PCGF5: variants seen among roughly 807,000 people sequenced by gnomAD.
The protein encoded by PCGF5 is polycomb group RING finger protein 5.
PCGF5 carries 9 observed loss-of-function variants against 44.3 expected under a neutral mutation model. The observed-to-expected ratio is 0.20, with a 90% CI of 0.12 to 0.35. The LOEUF (loss-of-function observed/expected upper bound fraction) is 0.35, where lower values mean the gene tolerates loss of function less well. Ranked by LOEUF, PCGF5 falls within the 10% of genes least tolerant of loss-of-function variation. The probability of loss-of-function intolerance (pLI) is 1.00; values close to 1 mark genes in which losing one functional copy is unlikely to be tolerated. For synonymous variants in PCGF5, 95 were observed against 102.5 expected (o/e 0.93, Z 0.44); for missense variants, 146 against 305.3 (o/e 0.48, Z 3.89).
intron 1 of PCGF5, among the ~76,000 whole-genome samples, chr10:91,182,615 G>T (rs1304109502): frequency 2.6e-5 from 4 of 152,040 alleles, no homozygotes; most frequent in African/African-American, 4.8e-5. Context: ...TGGTTCTCCA[G>T]TTCTTTTAGT....
intron 8 of PCGF5, among the ~76,000 whole-genome samples, chr10:91,264,971 T>A (rs949642707): frequency 6.6e-6 from 1 of 152,112 alleles, no homozygotes; most frequent in African/African-American, 2.4e-5. Context: ...TCCTTTTCGT[T>A]GAAAATATAA....
At chr10:91,157,253 C>T in the PCGF5 span, among the ~76,000 whole-genome samples, 13 of 152,178 alleles carry the variant, frequency 8.5e-5, no homozygotes, top group Non-Finnish European at 1.3e-4. Flanking sequence ...CTAACAATAT[C>T]AACAGTTAAC....
At chr10:91,230,154 C>T (rs1844961701) in intron 2 of PCGF5, among the ~76,000 whole-genome samples, 2 of 151,994 alleles carry the variant, frequency 1.3e-5, no homozygotes, top group African/African-American at 4.8e-5. Flanking sequence ...AAGCACACAA[C>T]CAAAGGACAA....
chr10:91,236,259 A>G (rs1354769780), intron 2 of PCGF5, among the ~76,000 whole-genome samples: 1 of 152,176 alleles, frequency 6.6e-6, no homozygotes, highest in Non-Finnish European at 1.5e-5. Context: ...TGAGCAGCCT[A>G]GTCAGGCTCT....
chr10:91,227,470 C>G, intron 2 of PCGF5: 1 of 1,283,968 alleles, frequency 7.8e-7, no homozygotes, highest in Non-Finnish European at 1.0e-6. Flanking sequence ...GACTCTTTAC[C>G]CTCACTAACA....
intron 1 of PCGF5, among the ~76,000 whole-genome samples, chr10:91,174,022 A>G (rs1843659592): frequency 6.6e-6 from 1 of 151,606 alleles, no homozygotes; most frequent in African/African-American, 2.4e-5. Flanking sequence ...CAAGGTAAAT[A>G]CCTTTGGGCC....
chr10:91,189,524 G>A (rs192302350), intron 1 of PCGF5, among the ~76,000 whole-genome samples: 163 of 152,286 alleles, frequency 1.1e-3, no homozygotes, highest in Non-Finnish European at 1.3e-3. Context: ...AGTAATATAT[G>A]ACATAAAAAT....
intron 2 of PCGF5, among the ~76,000 whole-genome samples, chr10:91,224,558 G>A (rs1395246214): frequency 1.3e-5 from 2 of 152,176 alleles, no homozygotes; most frequent in Non-Finnish European, 2.9e-5. Context: ...TTGTAGATAG[G>A]AGACATGGAG....
At chr10:91,210,960 C>T (rs1844441259) in intron 1 of PCGF5, among the ~76,000 whole-genome samples, 1 of 152,092 alleles carries the variant, frequency 6.6e-6, no homozygotes. Context: ...ACACAAAAAC[C>T]CAGAAGGACT....
intron 1 of PCGF5, among the ~76,000 whole-genome samples, chr10:91,171,884 A>G (rs958287051): frequency 2.0e-5 from 3 of 152,226 alleles, no homozygotes; most frequent in African/African-American, 7.2e-5. Context: ...AAAATATCAA[A>G]ATGATTTTGT....
At chr10:91,218,536 A>AGTCCCAT (rs1001537512), upstream of PCGF5, among the ~76,000 whole-genome samples, 4 of 152,208 alleles carry the variant, frequency 2.6e-5, no homozygotes, top group African/African-American at 9.6e-5. Context: ...AGCAGCTGAA[A>AGTCCCAT]GTCCCATGTT....
At chr10:91,269,069 G>C (rs901749859) in intron 8 of PCGF5, among the ~76,000 whole-genome samples, 5 of 152,150 alleles carry the variant, frequency 3.3e-5, no homozygotes, top group African/African-American at 9.7e-5. Context: ...GTAAAATACA[G>C]ATTCTGACTC....
chr10:91,203,500 T>C (rs1844290231), intron 1 of PCGF5, among the ~76,000 whole-genome samples: 1 of 152,238 alleles, frequency 6.6e-6, no homozygotes, highest in Admixed American at 6.5e-5. Flanking sequence ...GTTTTATTTC[T>C]AAATTAGCAA....
chr10:91,200,462 A>G (rs1042660187), intron 1 of PCGF5, among the ~76,000 whole-genome samples: 4 of 152,252 alleles, frequency 2.6e-5, no homozygotes, highest in Non-Finnish European at 5.9e-5. Context: ...GTTTGAAAGA[A>G]GAAGAGAAGA....
chr10:91,251,562 A>AACTT, intron 6 of PCGF5, 122 bp downstream of exon 6: 1 of 946,126 alleles, frequency 1.1e-6, no homozygotes, highest in Non-Finnish European at 1.6e-6. Context: ...ACATAATTAA[A>AACTT]TAAAATGCCA....
intron 1 of PCGF5, among the ~76,000 whole-genome samples, chr10:91,209,941 T>C (rs887893990): frequency 1.3e-5 from 2 of 152,178 alleles, no homozygotes; most frequent in African/African-American, 4.8e-5. Context: ...CATGTGGAAA[T>C]TGAGATTCCC....
At chr10:91,195,022 G>C (rs1173611528) in intron 1 of PCGF5, among the ~76,000 whole-genome samples, 2 of 152,076 alleles carry the variant, frequency 1.3e-5, no homozygotes. Context: ...GAGTGTGTGT[G>C]AGTTCTCTTC....
At chr10:91,229,740 G>GA (rs901003842) in intron 2 of PCGF5, among the ~76,000 whole-genome samples, 105 of 151,680 alleles carry the variant, frequency 6.9e-4, no homozygotes, top group Non-Finnish European at 1.2e-3. Context: ...CCATTTTAAT[G>GA]AAAAAAAGAT....
At chr10:91,255,001 G>T (rs1308990387) in intron 6 of PCGF5, among the ~76,000 whole-genome samples, 1 of 152,034 alleles carries the variant, frequency 6.6e-6, no homozygotes, top group Non-Finnish European at 1.5e-5. Context: ...TCCCATTGCA[G>T]CCTCTCAGGG....
Sources: allele counts gnomAD v4.1 joint callset (sites outside exome capture counted in the v4.1 genomes callset), GRCh38; gene constraint gnomAD v4.1.1; transcripts MANE v1.5; gene names NCBI Gene and HGNC (gene_info 2026-07-23, HGNC 2026-07-21).